The following PSD3 variants were observed in gnomAD, a reference collection of about 807,000 sequenced individuals.
The protein encoded by PSD3 is PH and SEC7 domain-containing protein 3.
In PSD3, 49 loss-of-function variants were observed where a neutral mutation model predicts 105.5. That is an observed-to-expected ratio of 0.46 (90% CI 0.37 to 0.59). PSD3 has a LOEUF of 0.59. Ranked by LOEUF, PSD3 falls within the 20% of genes least tolerant of loss-of-function variation. PSD3 has a pLI of 0.00. For synonymous variants in PSD3, 557 were observed against 457.8 expected (o/e 1.22, Z -2.77); for missense variants, 1,561 against 1,263.8 (o/e 1.24, Z -3.57).
At chr8:18,562,134 C>T (rs1256766132) in intron 14 of PSD3, among the ~76,000 whole-genome samples, 4 of 152,122 alleles carry the variant, frequency 2.6e-5, no homozygotes, top group Admixed American at 1.3e-4. Flanking sequence ...CGAACCTCAC[C>T]GAGCGCCCAT....
chr8:18,781,848 G>A (rs1055349998), intron 8 of PSD3, among the ~76,000 whole-genome samples: 2 of 151,836 alleles, frequency 1.3e-5, no homozygotes, highest in African/African-American at 4.8e-5. Flanking sequence ...CCACTATTTC[G>A]TCATTGTATG....
intron 4 of PSD3, among the ~76,000 whole-genome samples, chr8:18,814,244 C>T (rs1190259486): frequency 6.6e-6 from 1 of 152,146 alleles, no homozygotes; most frequent in Non-Finnish European, 1.5e-5. Context: ...CAGATTCTGC[C>T]CCCAGCCCCA....
intron 1 of PSD3, among the ~76,000 whole-genome samples, chr8:19,035,650 G>A (rs35247767): frequency 8.3e-4 from 125 of 151,036 alleles, no homozygotes; most frequent in South Asian, 2.1e-4. Flanking sequence ...CCAAAGTTAC[G>A]TTTTTTTTGG....
intron 2 of PSD3, among the ~76,000 whole-genome samples, chr8:18,898,631 A>T (rs1207470245): frequency 6.6e-6 from 1 of 152,218 alleles, no homozygotes; most frequent in Admixed American, 6.5e-5. Flanking sequence ...TAATATAAAT[A>T]GGGAATGGAC....
intron 15 of PSD3, among the ~76,000 whole-genome samples, chr8:18,551,959 T>A (rs1800796577): frequency 6.6e-6 from 1 of 152,168 alleles, no homozygotes; most frequent in African/African-American, 2.4e-5. Context: ...ACACTTACTG[T>A]AGAAAGTTAT....
chr8:18,708,674 C>T (rs947089616), intron 9 of PSD3, among the ~76,000 whole-genome samples: 2 of 151,920 alleles, frequency 1.3e-5, no homozygotes, highest in Non-Finnish European at 2.9e-5. Context: ...AAAAGAAATG[C>T]TAGTCAAGAA....
intron 1 of PSD3, among the ~76,000 whole-genome samples, chr8:18,988,948 G>A (rs1036173272): frequency 3.6e-4 from 55 of 152,204 alleles, no homozygotes; most frequent in African/African-American, 1.3e-3. Flanking sequence ...GCAAGCCAGG[G>A]CCGAGCCCAC....
At chr8:18,724,041 G>C (rs2129428223) in intron 9 of PSD3, among the ~76,000 whole-genome samples, 1 of 152,210 alleles carries the variant, frequency 6.6e-6, no homozygotes, top group East Asian at 1.9e-4. Context: ...CAGTTATACA[G>C]AAAATTATTC....
chr8:18,635,725 TC>T, intron 10 of PSD3, among the ~76,000 whole-genome samples: 1 of 152,242 alleles, frequency 6.6e-6, no homozygotes, highest in South Asian at 2.1e-4. Context: ...TGAATTCATG[TC>T]CTTTGCAGGG....
intron 8 of PSD3, chr8:18,799,084 G>A: frequency 3.9e-6 from 2 of 510,572 alleles, no homozygotes; most frequent in Non-Finnish European, 3.5e-6. Context: ...AACAACTCCA[G>A]ACACCAGGAC....
chr8:18,756,090 A>G (rs567785930), intron 9 of PSD3, among the ~76,000 whole-genome samples: 2 of 152,266 alleles, frequency 1.3e-5, no homozygotes, highest in South Asian at 2.1e-4. Flanking sequence ...TTTCTCTTAA[A>G]AGGCTCTCCG....
At chr8:18,560,308 G>C (rs562536621) in intron 14 of PSD3, among the ~76,000 whole-genome samples, 1 of 151,968 alleles carries the variant, frequency 6.6e-6, no homozygotes, top group Non-Finnish European at 1.5e-5. Context: ...TCAGACTCAG[G>C]ACAACTACAT....
At chr8:18,835,492 A>C (rs1474225429) in intron 4 of PSD3, among the ~76,000 whole-genome samples, 1 of 152,216 alleles carries the variant, frequency 6.6e-6, no homozygotes, top group South Asian at 2.1e-4. Context: ...AGTGACCAAA[A>C]CAAGACAAAA....
intron 14 of PSD3, among the ~76,000 whole-genome samples, chr8:18,561,358 A>G (rs144958237): frequency 6.6e-6 from 1 of 152,328 alleles, no homozygotes; most frequent in East Asian, 1.9e-4. Context: ...ACATTTTGCT[A>G]ACTGAAGTAA....
intron 4 of PSD3, among the ~76,000 whole-genome samples, chr8:18,850,706 A>T (rs1815494674): frequency 6.6e-6 from 1 of 152,156 alleles, no homozygotes; most frequent in Admixed American, 6.5e-5. Context: ...CCCCATGCAC[A>T]AAAAGGTCTT....
chr8:18,752,918 T>A (rs1192983557), intron 9 of PSD3, among the ~76,000 whole-genome samples: 1 of 151,636 alleles, frequency 6.6e-6, no homozygotes, highest in African/African-American at 2.4e-5. Flanking sequence ...TTAGAATAGG[T>A]AACCTCATCG....
chr8:18,573,083 G>T (rs1802241374), intron 13 of PSD3, among the ~76,000 whole-genome samples: 1 of 152,170 alleles, frequency 6.6e-6, no homozygotes, highest in African/African-American at 2.4e-5. Context: ...TATCTACTTT[G>T]GAAAACAGCT....
In PSD3 at chr8:18,837,216, C is replaced by G. The variant is rs558807642; in HGVS notation, c.1634+30458G>C. Among the ~76,000 whole-genome samples the G allele has an allele frequency of 4.1e-4, 62 of 152,236 alleles. No individual in the cohort carries two copies. The South Asian group carries it at 7.5e-3, about 18-fold the overall frequency. The stretch of plus-strand genomic sequence containing the variant: ...CAAGATCCAGACAGTATAAGATAGA[C>G]AGCGAATGTGAGACGCTCTTGAACC... On this transcript the variant is annotated intron_variant, in intron 4 of 15. Transcript: ENST00000327040.
At chr8:18,684,056 C>T (rs983568045) in intron 9 of PSD3, 8 of 624,398 alleles carry the variant, frequency 1.3e-5, no homozygotes, top group East Asian at 2.6e-5. Context: ...CGCCGTGATC[C>T]GCGTTAGCTT....
Sources: gnomAD v4.1 joint callset for allele counts (sites outside exome capture counted in the v4.1 genomes callset) on GRCh38, gnomAD v4.1.1 for gene constraint, MANE v1.5 for transcripts, NCBI Gene and HGNC (gene_info 2026-07-23, HGNC 2026-07-21) for gene names.